NUP98: variants seen among roughly 807,000 people sequenced by gnomAD.
The protein encoded by NUP98 is nuclear pore complex protein Nup98-Nup96.
NUP98 carries 26 observed loss-of-function variants against 191.9 expected under a neutral mutation model. The ratio of observed to expected loss-of-function variants is 0.14; its 90% CI spans 0.10 to 0.19. The LOEUF is 0.19. Among genes scored for constraint, NUP98 ranks in the 10% least tolerant of loss-of-function variants. NUP98 has a pLI of 1.00. For synonymous variants in NUP98, 808 were observed against 778.4 expected, an observed-to-expected ratio of 1.04 and a Z score of -0.63; for missense variants, 1,941 against 2,178.8, an observed-to-expected ratio of 0.89 and a Z score of 2.17.
At chr11:3,720,495 C>T (rs1015274509) in intron 17 of NUP98, among the ~76,000 whole-genome samples, 2 of 151,880 alleles carry the variant, frequency 1.3e-5, no homozygotes, top group Non-Finnish European at 2.9e-5. Flanking sequence ...TAGCAAGACC[C>T]CATCTCAACA....
intron 5 of NUP98, among the ~76,000 whole-genome samples, chr11:3,775,479 T>G (rs1395912331): frequency 6.6e-6 from 1 of 151,394 alleles, no homozygotes; most frequent in African/African-American, 2.4e-5. Flanking sequence ...GAGGTTGCAG[T>G]GAGCTGAGAT....
At chr11:3,744,797 C>T in intron 11 of NUP98, 148 bp from the exon 12 acceptor site, 5 of 799,838 alleles carry the variant, frequency 6.3e-6, no homozygotes, top group Non-Finnish European at 9.7e-6. Context: ...AGTGTTACTG[C>T]AGGTCAAGTA....
At chr11:3,759,129 G>A (rs2081077548) in intron 10 of NUP98, among the ~76,000 whole-genome samples, 1 of 152,100 alleles carries the variant, frequency 6.6e-6, no homozygotes, top group Non-Finnish European at 1.5e-5. Context: ...AAATAACCAT[G>A]TCTTTGTACT....
intron 22 of NUP98, 124 bp from the exon 23 acceptor site, chr11:3,703,016 G>A (rs1589990626): frequency 1.3e-6 from 1 of 784,926 alleles, no homozygotes; most frequent in East Asian, 2.7e-5. Flanking sequence ...ACTTATATCA[G>A]ATGTGGATGA....
In NUP98 at chr11:3,718,772, G is replaced by A. The variant is rs533817872; in HGVS notation, c.2399+640C>T. Among the ~76,000 whole-genome samples, 5 of 152,230 alleles carry A rather than the reference G, an allele frequency of 3.3e-5. No individual in the cohort carries two copies. The East Asian group carries it at 9.6e-4, about 29-fold the overall frequency. ...TTAAGTATAGCCACAGCAGAAACAG[G>A]AATAAAGCAAAATACTATTAAAAAG... On this transcript the variant is annotated intron_variant, in intron 18 of 32. Coordinates refer to ENST00000324932, the MANE Select transcript of NUP98 (RefSeq NM_016320.5).
intron 13 of NUP98, among the ~76,000 whole-genome samples, chr11:3,732,397 T>C (rs1008860464): frequency 6.6e-6 from 1 of 152,198 alleles, no homozygotes; most frequent in Non-Finnish European, 1.5e-5. Context: ...TTATGTTCAT[T>C]TGATGAAAAC....
chr11:3,742,317 T>C (rs1282096824), intron 12 of NUP98, among the ~76,000 whole-genome samples: 2 of 152,138 alleles, frequency 1.3e-5, no homozygotes, highest in African/African-American at 2.4e-5. Context: ...AACAGTTCAT[T>C]TGCAACTATT....
intron 18 of NUP98, among the ~76,000 whole-genome samples, chr11:3,715,312 A>G (rs2079145053): frequency 6.6e-6 from 1 of 152,080 alleles, no homozygotes; most frequent in South Asian, 2.1e-4. Flanking sequence ...ACACCCAGCT[A>G]ATTTTTGTAC....
chr11:3,783,478 C>A lies in NUP98; in HGVS notation c.-28-1333G>T, dbSNP rs2082043667. Among the ~76,000 whole-genome samples the A allele has an allele frequency of 3.3e-5, 5 of 151,070 alleles. No individual in the cohort carries two copies. In the South Asian group the frequency reaches 8.4e-4, roughly 25 times the overall value. On this transcript the variant is annotated intron_variant, in intron 1 of 32. Coordinates refer to ENST00000324932, the MANE Select transcript of NUP98 (RefSeq NM_016320.5). ...CTTTGGGAGGCCAAGGCGGGTGGAT[C>A]ACCTGAGCTCAGGAGTTCAAGACCA...
chr11:3,743,819 C>T (rs1173293122), intron 12 of NUP98, among the ~76,000 whole-genome samples: 2 of 151,392 alleles, frequency 1.3e-5, no homozygotes, highest in African/African-American at 2.4e-5. Flanking sequence ...TTTGGGAGGC[C>T]GAGGTGGGCG....
chr11:3,761,112 G>A (rs1349859646), intron 9 of NUP98, among the ~76,000 whole-genome samples: 1 of 152,136 alleles, frequency 6.6e-6, no homozygotes, highest in Non-Finnish European at 1.5e-5. Flanking sequence ...TGTTCAAAAT[G>A]GTCAAATCCA....
intron 12 of NUP98, among the ~76,000 whole-genome samples, chr11:3,741,090 G>A (rs907719723): frequency 6.6e-5 from 10 of 151,474 alleles, no homozygotes; most frequent in African/African-American, 2.2e-4. Context: ...CCAAAGTGCT[G>A]GGATTACAGT....
chr11:3,705,158 A>G (rs1299309810), intron 22 of NUP98, 42 bp downstream of exon 22: 2 of 1,594,486 alleles, frequency 1.3e-6, no homozygotes, highest in East Asian at 2.2e-5. Flanking sequence ...GGACTTGATG[A>G]CTGTACAGCT....
chr11:3,780,052 CT>C (rs1239055205), intron 2 of NUP98, among the ~76,000 whole-genome samples: 8 of 152,240 alleles, frequency 5.3e-5, no homozygotes, highest in African/African-American at 1.7e-4. Flanking sequence ...ACCTGGGAAG[CT>C]TTTTCAAAAT....
At chr11:3,744,391 T>C (rs1282170910) in intron 12 of NUP98, 118 bp downstream of exon 12, 3 of 1,014,014 alleles carry the variant, frequency 3.0e-6, no homozygotes, top group Admixed American at 2.8e-5. Flanking sequence ...CCCAATTGTT[T>C]AATGACATGC....
chr11:3,701,464 G>A (rs1020620389), intron 23 of NUP98, among the ~76,000 whole-genome samples: 2 of 151,858 alleles, frequency 1.3e-5, no homozygotes, highest in African/African-American at 4.8e-5. Context: ...GTTTTACCAT[G>A]TTGGCCAGGC....
chr11:3,781,991 T>TAA, intron 2 of NUP98, 51 bp downstream of exon 2: 1 of 1,234,598 alleles, frequency 8.1e-7, no homozygotes, highest in Non-Finnish European at 1.2e-6. Context: ...GATTTGTTCT[T>TAA]AGTAAGGGAG....
chr11:3,695,481 G>A lies in NUP98; in HGVS notation c.4135C>T (p.Leu1379=). Residue 1379 remains leucine, a synonymous_variant, in exon 26 of 33, where the codon CTG becomes TTG. Transcript: ENST00000324932. The part of the protein sequence containing the change: ...QADSFIQDER[L]RIFALLAGKP... ...CCAGCCAACAGAGCAAAGATGCGCA[G>A]TCTCTCATCCTGGATGAAGGAGTCT... 6.3e-7 allele frequency: 1 copy of A among 1,595,590 alleles called. No individual in the cohort carries two copies. The highest frequency in any genetic ancestry group is 8.6e-7 in the Non-Finnish European group (1 of 1,169,544).
At chr11:3,713,364 G>A (rs2079077441) in intron 19 of NUP98, among the ~76,000 whole-genome samples, 1 of 152,148 alleles carries the variant, frequency 6.6e-6, no homozygotes, top group South Asian at 2.1e-4. Context: ...ATTTTAACTA[G>A]GTTTGTAGTT....
Sources: gnomAD v4.1 joint callset for allele counts (sites outside exome capture counted in the v4.1 genomes callset) on GRCh38, gnomAD v4.1.1 for gene constraint, MANE v1.5 for transcripts, NCBI Gene and HGNC (gene_info 2026-07-23, HGNC 2026-07-21) for gene names.